The following ERI1 variants were observed in gnomAD, a reference collection of about 807,000 sequenced individuals.
ERI1 encodes 3'-5' exoribonuclease 1.
A neutral mutation model predicts 39.7 loss-of-function variants in ERI1; 39 were observed. The ratio of observed to expected loss-of-function variants is 0.98; its 90% CI spans 0.76 to 1.28. ERI1 has a LOEUF of 1.28. Ranked by LOEUF, ERI1 falls within the 50% of genes most tolerant of loss-of-function variation. The pLI is 0.00. For missense variants in ERI1, 581 were observed against 416.9 expected, an observed-to-expected ratio of 1.39 and a Z score of -3.43; for synonymous variants, 204 against 149.6, an observed-to-expected ratio of 1.36 and a Z score of -2.65.
At chr8:9,042,438 C>T (rs1798055415) in intron 3 of ERI1, among the ~76,000 whole-genome samples, 2 of 152,138 alleles carry the variant, frequency 1.3e-5, no homozygotes, top group African/African-American at 2.4e-5. Context: ...TGCTTATTTC[C>T]TCAACTGCTA....
In ERI1 at chr8:9,016,369, G is replaced by T; in HGVS notation, c.546G>T (p.Leu182=). ...QYVRPEINTQ[L]SDFCISLTGI... is the part of the protein sequence containing the mutation. ...TAAGACCAGAGATTAACACACAGCT[G>T]TCTGATTTCTGCATCAGTCTAACTG... Residue 182 remains leucine, a synonymous_variant, in exon 4 of 7, where the codon CTG becomes CTT. Coordinates refer to ENST00000250263, the MANE Select transcript of ERI1 (RefSeq NM_153332.4). 2.5e-6 allele frequency: 4 copies of T among 1,607,800 alleles called. No individual in the cohort carries two copies. Among genetic ancestry groups the T allele is most frequent in the Non-Finnish European group, 3.4e-6 (4 of 1,176,746 alleles).
At chr8:9,024,669 C>T (rs1228346385) in intron 6 of ERI1, among the ~76,000 whole-genome samples, 4 of 152,066 alleles carry the variant, frequency 2.6e-5, no homozygotes, top group Non-Finnish European at 5.9e-5. Context: ...AATGATCTGC[C>T]CCCCCTCGGC....
chr8:9,051,035 G>A (rs1585262275), intron 3 of ERI1, among the ~76,000 whole-genome samples: 1 of 152,030 alleles, frequency 6.6e-6, no homozygotes, highest in East Asian at 1.9e-4. Flanking sequence ...ACTTTAAAAT[G>A]ATAGCAGAAA....
chr8:9,030,275 C>T lies in ERI1; in HGVS notation c.*241C>T, dbSNP rs1467442237. On this transcript the variant is annotated 3_prime_UTR_variant, in exon 7 of 7. Coordinates refer to ENST00000250263, the MANE Select transcript of ERI1 (RefSeq NM_153332.4). ...GTTACATAGTAACAGTTCCTGCTTA[C>T]AACTGAATTTTATAATTTAAGGTGT... The T allele has an allele frequency of 2.0e-6, 1 of 497,340 alleles. No homozygotes were observed. Among genetic ancestry groups the T allele is most frequent in the South Asian group, 3.2e-5 (1 of 31,708 alleles). 30.8% of individuals were successfully genotyped at this position (497,340 alleles called of 1,614,324 possible). A position where few individuals can be genotyped will look rare whatever the true frequency, so the allele number is the denominator to read the frequency against.
chr8:9,049,111 G>A (rs1798270072), intron 3 of ERI1, among the ~76,000 whole-genome samples: 2 of 151,796 alleles, frequency 1.3e-5, no homozygotes, highest in South Asian at 4.2e-4. Context: ...GGTCGAGGTG[G>A]GCGGATCACC....
rs780123024 is a variant in ERI1, at chr8:9,020,385, GTCAAC to G, written c.732_736del (p.Leu245GlnfsTer26). 5.0e-6 allele frequency: 8 copies of G among 1,602,420 alleles called. No homozygotes were observed. The highest frequency in any genetic ancestry group is 2.3e-5 in the East Asian group (1 of 44,376). Reference sequence around the variant, plus strand: ...ATGAGTAAGTTCTTGAACATTCAGTGTCAACTCAGCAGGCTCAAATACCCTCCTTT... The same window carrying G: ...ATGAGTAAGTTCTTGAACATTCAGTGTCAGCAGGCTCAAATACCCTCCTTT... On this transcript the variant is annotated frameshift_variant, in exon 6 of 7. Transcript: ENST00000250263. LOFTEE classifies it high-confidence loss of function.
At chr8:9,004,250 C>T (rs1244481246) in intron 1 of ERI1, 10 of 1,205,372 alleles carry the variant, frequency 8.3e-6, no homozygotes, top group Non-Finnish European at 1.1e-5. Context: ...AACCACTCTT[C>T]CACCTGCCTC....
chr8:9,042,619 C>G (rs891050221), intron 3 of ERI1, among the ~76,000 whole-genome samples: 1 of 152,066 alleles, frequency 6.6e-6, no homozygotes, highest in East Asian at 1.9e-4. Flanking sequence ...AGCCTAGATG[C>G]GATGGGTCCT....
intron 2 of ERI1, 61 bp from the exon 3 acceptor site, chr8:9,011,481 G>GA (rs1439925760): frequency 8.8e-7 from 1 of 1,139,302 alleles, no homozygotes; most frequent in Non-Finnish European, 1.2e-6. Context: ...CAGCAGGTGA[G>GA]AGTTTTGATT....
intron 3 of ERI1, among the ~76,000 whole-genome samples, chr8:9,081,192 T>C (rs770178978): frequency 1.3e-5 from 2 of 152,150 alleles, no homozygotes; most frequent in Non-Finnish European, 2.9e-5. Context: ...AAACCACCCA[T>C]GTGATCCAAT....
intron 3 of ERI1, among the ~76,000 whole-genome samples, chr8:9,048,014 C>T (rs1798231929): frequency 6.6e-6 from 1 of 152,208 alleles, no homozygotes; most frequent in Non-Finnish European, 1.5e-5. Flanking sequence ...TCCAAGGCCA[C>T]AAAGCCAGTA....
At position 9,028,204 on chromosome 8, in the gene ERI1, C is replaced by G. The variant is rs111740771; in HGVS notation, c.808-1588C>G. Among the ~76,000 whole-genome samples the G allele has an allele frequency of 2.0e-3, 299 of 152,256 alleles. 1 individual carries two copies. The highest frequency in any genetic ancestry group is 6.8e-3 in the African/African-American group (281 of 41,538). On this transcript the variant is annotated intron_variant, in intron 6 of 6. Coordinates refer to ENST00000250263, the MANE Select transcript of ERI1 (RefSeq NM_153332.4). ...AGCAGCAAAGCTATCTGGTTCAGCG[C>G]TTTTCTTTGTTAGAGGTTTTCAGTT...
At chr8:9,005,555 C>T (rs1205420585) in intron 1 of ERI1, among the ~76,000 whole-genome samples, 2 of 144,456 alleles carry the variant, frequency 1.4e-5, no homozygotes, top group Non-Finnish European at 1.5e-5. Flanking sequence ...CTCTCTGTTG[C>T]CCAGGCTGGA....
At chr8:9,048,548 A>C (rs1485005981) in intron 3 of ERI1, 1 of 153,972 alleles carries the variant, frequency 6.5e-6, no homozygotes, top group Non-Finnish European at 1.5e-5. Flanking sequence ...AACTGTGGTC[A>C]CTCTTCTGGT....
chr8:9,061,767 A>G (rs1010929234), intron 3 of ERI1, among the ~76,000 whole-genome samples: 1 of 151,772 alleles, frequency 6.6e-6, no homozygotes, highest in South Asian at 2.1e-4. Context: ...TGAGGAAGAC[A>G]TTTGGGCTTG....
chr8:9,007,407 GT>G (rs1247761462), intron 1 of ERI1, among the ~76,000 whole-genome samples: 2 of 152,152 alleles, frequency 1.3e-5, no homozygotes, highest in Admixed American at 6.5e-5. Flanking sequence ...TAATGTAAAA[GT>G]TCATTTAAAA....
chr8:9,091,060 T>C (rs1007747903), intron 3 of ERI1, among the ~76,000 whole-genome samples: 1 of 152,254 alleles, frequency 6.6e-6, no homozygotes, highest in African/African-American at 2.4e-5. Flanking sequence ...ACAGTCTTTA[T>C]ATTAACACAT....
At chr8:9,083,580 C>G (rs1585294411) in intron 3 of ERI1, among the ~76,000 whole-genome samples, 1 of 151,194 alleles carries the variant, frequency 6.6e-6, no homozygotes, top group South Asian at 2.1e-4. Flanking sequence ...ATGATGCTCA[C>G]TTTGGCAGCA....
intron 3 of ERI1, among the ~76,000 whole-genome samples, chr8:9,060,326 G>C (rs1036832110): frequency 6.6e-6 from 1 of 152,102 alleles, no homozygotes; most frequent in Non-Finnish European, 1.5e-5. Flanking sequence ...TCCAGTGAAA[G>C]TGTCTACCCA....
Sources: allele counts gnomAD v4.1 joint callset (sites outside exome capture counted in the v4.1 genomes callset), GRCh38; gene constraint gnomAD v4.1.1; transcripts MANE v1.5; gene names NCBI Gene and HGNC (gene_info 2026-07-23, HGNC 2026-07-21).